The following ZCCHC14 variants were observed in gnomAD, a reference collection of about 807,000 sequenced individuals.
The protein encoded by ZCCHC14 is zinc finger CCHC-type containing 14.
Under a neutral mutation model 85.0 loss-of-function variants are expected in ZCCHC14, and 16 were observed. The observed-to-expected ratio is 0.19, with a 90% CI of 0.13 to 0.29. The LOEUF (loss-of-function observed/expected upper bound fraction) is 0.29. Among genes scored for constraint, ZCCHC14 ranks in the 10% least tolerant of loss-of-function variants. The pLI, the probability that ZCCHC14 is intolerant of heterozygous loss-of-function variation, is 1.00. For missense variants in ZCCHC14, 1,303 were observed against 1,443.5 expected, an observed-to-expected ratio of 0.90 and a Z score of 1.58; for synonymous variants, 775 against 630.7, an observed-to-expected ratio of 1.23 and a Z score of -3.43.
At position 87,413,044 on chromosome 16, in the gene ZCCHC14, C is replaced by T. The variant is rs372303742; in HGVS notation, c.1744+11G>A. 3.2e-5 allele frequency: 52 copies of T among 1,614,056 alleles called. No individual in the cohort carries two copies. The highest frequency in any genetic ancestry group is 1.1e-4 in the South Asian group (10 of 91,094). ...GGCCAGGTCGAGCCAGCGCCGCGCACGTGCCCTTACGTCTGTCATTCTCCT... is the reference window on the plus strand; with the variant it reads ...GGCCAGGTCGAGCCAGCGCCGCGCATGTGCCCTTACGTCTGTCATTCTCCT... On this transcript the variant is annotated intron_variant, in intron 11 of 12. Coordinates refer to ENST00000671377, the MANE Select transcript of ZCCHC14 (RefSeq NM_015144.3).
intron 6 of ZCCHC14, among the ~76,000 whole-genome samples, 200 bp from the exon 7 acceptor site, chr16:87,419,101 C>T (rs1187416037): frequency 7.0e-6 from 1 of 143,642 alleles, no homozygotes; most frequent in Admixed American, 6.9e-5. Flanking sequence ...GGACTACAGG[C>T]GACTGCCACC....
chr16:87,451,656 G>A (rs78775082), intron 2 of ZCCHC14, among the ~76,000 whole-genome samples: 8 of 152,262 alleles, frequency 5.3e-5, no homozygotes, highest in Admixed American at 1.3e-4. Flanking sequence ...GTTCAAAGAA[G>A]TGATGCTGTG....
rs1204262483 is a variant in ZCCHC14 at position 87,414,399 on chromosome 16, C to G, written c.1603+15G>C. On this transcript the variant is annotated intron_variant, in intron 10 of 12. Transcript: ENST00000671377. ...GTGTATGAGTAACCCATCTGCCCGA[C>G]ACACCCTTGTTCACCTGCTGCATGG... 1 of 1,612,940 alleles carries G rather than the reference C, an allele frequency of 6.2e-7. No individual in the cohort carries two copies. The highest frequency in any genetic ancestry group is 1.1e-5 in the South Asian group (1 of 91,040).
At chr16:87,486,595 C>T (rs1161027740) in intron 1 of ZCCHC14, among the ~76,000 whole-genome samples, 1 of 152,076 alleles carries the variant, frequency 6.6e-6, no homozygotes, top group African/African-American at 2.4e-5. Context: ...GCCTCAATTC[C>T]CGTATCATGT....
chr16:87,462,091 C>G (rs1034140284), intron 1 of ZCCHC14, among the ~76,000 whole-genome samples: 1 of 148,234 alleles, frequency 6.7e-6, no homozygotes, highest in African/African-American at 2.5e-5. Context: ...AACAGCGAGA[C>G]CCTGTCTCTA....
chr16:87,430,835 A>T (rs111799690), intron 3 of ZCCHC14, among the ~76,000 whole-genome samples: 12,317 of 152,158 alleles, frequency 0.081, 1,655 homozygotes, highest in African/African-American at 0.28. Context: ...TTTCAGAATC[A>T]ACTTGATTTC....
chr16:87,447,193 C>A (rs1172647830), intron 2 of ZCCHC14, among the ~76,000 whole-genome samples: 1 of 151,764 alleles, frequency 6.6e-6, no homozygotes. Flanking sequence ...GCGGAAGAAA[C>A]AGACCTCACC....
intron 2 of ZCCHC14, among the ~76,000 whole-genome samples, chr16:87,453,651 G>T (rs781400740): frequency 3.9e-5 from 6 of 152,232 alleles, no homozygotes; most frequent in Non-Finnish European, 8.8e-5. Flanking sequence ...GCCCCCACCA[G>T]CAGAAGCCTC....
chr16:87,428,255 G>A (rs758637292), intron 3 of ZCCHC14, among the ~76,000 whole-genome samples: 91 of 152,146 alleles, frequency 6.0e-4, no homozygotes, highest in Non-Finnish European at 9.9e-4. Context: ...AAATTAAAAC[G>A]AGAAACAGGC....
rs151057554 is a variant in ZCCHC14, at chr16:87,470,189, G to A, written c.571-10058C>T. Reference sequence around the variant, plus strand: ...CTCTACCACAATTTAGAAATTACCCGAGTGTGGTGGTGTGTGCCTGTACCT... The same window carrying A: ...CTCTACCACAATTTAGAAATTACCCAAGTGTGGTGGTGTGTGCCTGTACCT... On this transcript the variant is annotated intron_variant, in intron 1 of 12. Coordinates refer to ENST00000671377, the MANE Select transcript of ZCCHC14 (RefSeq NM_015144.3). 2.1e-3 allele frequency among the ~76,000 whole-genome samples: 314 copies of A among 152,184 alleles called. 1 individual carries two copies. The highest frequency in any genetic ancestry group is 7.2e-3 in the African/African-American group (300 of 41,496).
chr16:87,434,341 C>T (rs1909808573), intron 2 of ZCCHC14, among the ~76,000 whole-genome samples: 1 of 152,208 alleles, frequency 6.6e-6, no homozygotes, highest in Non-Finnish European at 1.5e-5. Context: ...TTCTCACTGC[C>T]CAACACACCC....
rs773705108 is a variant in ZCCHC14, at chr16:87,412,060, GCCA to G, written c.2658_2660del (p.Gly888del). 6.9e-4 allele frequency: 1,118 copies of G among 1,610,266 alleles called. 1 individual carries two copies. The highest frequency in any genetic ancestry group is 8.6e-4 in the Non-Finnish European group (1,016 of 1,179,958). ...AGGCAGGAATGTTTCCTGTGGAGCC[GCCA>G]CCGCCACTGCTGCTATAGAAACTGC... On this transcript the variant is annotated inframe_deletion, in exon 12 of 13. Coordinates refer to ENST00000671377, the MANE Select transcript of ZCCHC14 (RefSeq NM_015144.3).
Position 87,444,038 on chromosome 16 carries a change from GAAAAAAA to G in ZCCHC14, c.695-10844_695-10838del, listed in dbSNP as rs56352252. 5.4e-3 allele frequency among the ~76,000 whole-genome samples: 414 copies of G among 77,100 alleles called. 2 individuals carry two copies. In the East Asian group the frequency reaches 0.071, roughly 13 times the overall value. 50.6% of individuals were successfully genotyped at this position (77,100 alleles called of 152,430 possible). A position where few individuals can be genotyped will look rare whatever the true frequency, so the allele number is the denominator to read the frequency against. On this transcript the variant is annotated intron_variant, in intron 2 of 12. Transcript: ENST00000671377. ...GGTGACAGAGTGAGACTCTATCACA[GAAAAAAA>G]AAAAAAAAAAAAAAGAAAGAAAGAA...
intron 2 of ZCCHC14, among the ~76,000 whole-genome samples, chr16:87,459,612 C>G (rs1262723359): frequency 6.6e-6 from 1 of 151,680 alleles, no homozygotes; most frequent in Non-Finnish European, 1.5e-5. Flanking sequence ...TGGGTTCAAG[C>G]GATTCTCCTG....
chr16:87,467,607 G>A, intron 1 of ZCCHC14: 1 of 1,259,096 alleles, frequency 7.9e-7, no homozygotes, highest in South Asian at 1.2e-5. Flanking sequence ...AGGATCTGGA[G>A]ATGACAACTT....
intron 3 of ZCCHC14, among the ~76,000 whole-genome samples, chr16:87,430,990 A>G (rs992696741): frequency 1.3e-5 from 2 of 152,020 alleles, no homozygotes; most frequent in Admixed American, 1.3e-4. Flanking sequence ...AGTACAAAAA[A>G]TTAGCTGGGT....
chr16:87,435,678 T>G (rs1909887556), intron 2 of ZCCHC14, among the ~76,000 whole-genome samples: 1 of 152,234 alleles, frequency 6.6e-6, no homozygotes, highest in Non-Finnish European at 1.5e-5. Context: ...GGCGCTGCGC[T>G]CCCAGCGGCA....
At chr16:87,483,045 A>T (rs1174818015) in intron 1 of ZCCHC14, among the ~76,000 whole-genome samples, 2 of 151,826 alleles carry the variant, frequency 1.3e-5, no homozygotes, top group Admixed American at 6.6e-5. Context: ...ATAGCATTTA[A>T]AAAAAAAGAA....
chr16:87,426,459 C>A (rs1179947684), intron 3 of ZCCHC14, among the ~76,000 whole-genome samples: 2 of 152,246 alleles, frequency 1.3e-5, no homozygotes, highest in Non-Finnish European at 2.9e-5. Context: ...TGTAATGCAT[C>A]TTCATCACAC....
Sources: allele counts gnomAD v4.1 joint callset (sites outside exome capture counted in the v4.1 genomes callset), GRCh38; gene constraint gnomAD v4.1.1; transcripts MANE v1.5; gene names NCBI Gene and HGNC (gene_info 2026-07-23, HGNC 2026-07-21).